ADAP1: variants seen among roughly 807,000 people sequenced by gnomAD.
The protein encoded by ADAP1 is arf-GAP with dual PH domain-containing protein 1.
Under a neutral mutation model 54.9 loss-of-function variants are expected in ADAP1, and 31 were observed. The observed-to-expected ratio is 0.56, with a 90% CI of 0.42 to 0.76. The LOEUF (loss-of-function observed/expected upper bound fraction) is 0.76, where lower values mean the gene tolerates loss of function less well. Ranked by LOEUF, ADAP1 falls within the 30% of genes least tolerant of loss-of-function variation. The pLI, the probability that ADAP1 is intolerant of heterozygous loss-of-function variation, is 0.00. For missense variants in ADAP1, 535 were observed against 512.4 expected, an observed-to-expected ratio of 1.04 and a Z score of -0.42; for synonymous variants, 313 against 202.6, an observed-to-expected ratio of 1.55 and a Z score of -4.63.
intron 4 of ADAP1, among the ~76,000 whole-genome samples, chr7:907,097 A>G (rs1845498643): frequency 6.6e-6 from 1 of 152,008 alleles, no homozygotes; most frequent in Non-Finnish European, 1.5e-5. Flanking sequence ...AGGTGGTGCC[A>G]TCCCCTCTTT....
chr7:899,887 G>A (rs974349196), intron 8 of ADAP1, among the ~76,000 whole-genome samples: 1 of 152,214 alleles, frequency 6.6e-6, no homozygotes, highest in Non-Finnish European at 1.5e-5. Flanking sequence ...TGAGGAAGCT[G>A]GTCAGACGTG....
intron 4 of ADAP1, 123 bp from the exon 5 acceptor site, chr7:905,295 G>C (rs531959169): frequency 1.4e-5 from 5 of 360,232 alleles, no homozygotes; most frequent in Non-Finnish European, 2.5e-5. Flanking sequence ...CGGGGGACAC[G>C]GACAGGGGGA....
intron 3 of ADAP1, among the ~76,000 whole-genome samples, chr7:922,319 G>A (rs1198845504): frequency 6.6e-6 from 1 of 152,124 alleles, no homozygotes; most frequent in Non-Finnish European, 1.5e-5. Context: ...CCCCTTCAAG[G>A]CCAGGGCCTC....
rs1423829126 is a variant in ADAP1, at chr7:920,826, C to T, written c.306-776G>A. On this transcript the variant is annotated intron_variant, in intron 3 of 10. Coordinates refer to ENST00000265846, the MANE Select transcript of ADAP1 (RefSeq NM_006869.4). This position sits in a 1 kb window ranked among gnomAD's most constrained non-coding sequence, Gnocchi z 4.5. ...CATTGCAGAAACCACGACCCACACA[C>T]AGGCCCGGCACGGCCCAGGTGCACA... is the stretch of plus-strand genomic sequence containing the variant. 3.2e-6 allele frequency: 5 copies of T among 1,550,246 alleles called. No individual in the cohort carries two copies. The Admixed American group carries it at 9.8e-5, about 30-fold the overall frequency.
intron 1 of ADAP1, among the ~76,000 whole-genome samples, chr7:943,014 AGAGGAGGAGGAAGG>A (rs1253731970): frequency 9.2e-4 from 13 of 14,204 alleles, no homozygotes; most frequent in East Asian, 1.8e-3. Context: ...AGGAAGGGAG[AGAGGAGGAGGAAGG>A]GAGGAGGAGG....
At position 900,588 on chromosome 7, in the gene ADAP1, C is replaced by T. The variant is rs548636254; in HGVS notation, c.677G>A (p.Arg226Gln). The change falls in exon 7 of 11, where the codon CGA (arginine) becomes CAA (glutamine). Residue 226 changes from arginine (R) to glutamine (Q), a missense_variant. By Grantham distance (43) the Arg-to-Gln change is conservative. Transcript: ENST00000265846. ...KEIVDWFNAL[R>Q]AARFHYLQVA... ...CTGCAGGTAGTGGAAGCGAGCAGCT[C>T]GGAGTGCATTGAACCAGTCCACAAT... 4 of 1,610,406 alleles carry T rather than the reference C, an allele frequency of 2.5e-6. No homozygotes were observed. The highest frequency in any genetic ancestry group is 1.7e-5 in the Admixed American group (1 of 59,706).
In ADAP1 at chr7:926,616, G is replaced by C; in HGVS notation, c.242C>G (p.Ala81Gly). Residue 81 changes from alanine to glycine, a missense_variant, in exon 3 of 11, where the codon GCG (alanine) becomes GGG (glycine). Ala to Gly is a moderately conservative substitution (Grantham distance 60). Transcript: ENST00000265846. The surrounding 1 kb of genome is among the most constrained non-coding windows in gnomAD (Gnocchi z 4.6). ...TACTTTGGACTCAAACCTGGCTCTC[G>C]CGGCGTCGTTCCCGTGGGAGGCCAT... is the stretch of plus-strand genomic sequence containing the variant. ...EFMASHGNDA[A>G]RARFESKVPS... is the part of the protein sequence containing the mutation. The C allele has an allele frequency of 7.1e-6, 11 of 1,545,090 alleles. No individual in the cohort carries two copies. Among genetic ancestry groups the C allele is most frequent in the Non-Finnish European group, 9.6e-6 (11 of 1,145,024 alleles).
At chr7:918,221 C>G (rs915538688) in intron 4 of ADAP1, among the ~76,000 whole-genome samples, 3 of 152,166 alleles carry the variant, frequency 2.0e-5, no homozygotes, top group African/African-American at 7.2e-5. Context: ...CGTGCCCGAC[C>G]CTTTTTTGTT....
At position 926,969 on chromosome 7, in the gene ADAP1, C is replaced by T. The variant is rs552559869; in HGVS notation, c.214-325G>A. 315 of 1,263,942 alleles carry T rather than the reference C, an allele frequency of 2.5e-4. 1 individual carries two copies. In the African/African-American group the frequency reaches 4.2e-3, roughly 17 times the overall value. The allele number at this position is 1,263,942 out of a possible 1,614,324, so 78.3% of individuals were successfully genotyped here. Reference sequence around the variant, plus strand: ...CCAAGTCCACCCACACCGGGTGTCCCGTGGGAGAGAGCTGGCTGCATCCTG... The same window carrying T: ...CCAAGTCCACCCACACCGGGTGTCCTGTGGGAGAGAGCTGGCTGCATCCTG... On this transcript the variant is annotated intron_variant, in intron 2 of 10. Coordinates refer to ENST00000265846, the MANE Select transcript of ADAP1 (RefSeq NM_006869.4). This position sits in a 1 kb window ranked among gnomAD's most constrained non-coding sequence, Gnocchi z 4.6.
In ADAP1 at chr7:905,313, G is replaced by A. The variant is rs1286495658; in HGVS notation, c.389-141C>T. On this transcript the variant is annotated intron_variant, in intron 4 of 10. Transcript: ENST00000265846. ...GGGACACGGACAGGGGGAGACGGAC[G>A]GGGAGAGGGGACATGGAGGAGACAG... 2.0e-4 allele frequency: 90 copies of A among 448,946 alleles called. 2 individuals carry two copies. Among genetic ancestry groups the A allele is most frequent in the South Asian group, 4.1e-4 (20 of 48,702 alleles). The allele number at this position is 448,946 out of a possible 1,614,324, so 27.8% of individuals were successfully genotyped here.
chr7:927,560 C>G (rs1481925108), intron 2 of ADAP1: 2 of 464,968 alleles, frequency 4.3e-6, no homozygotes, highest in African/African-American at 4.0e-5. Flanking sequence ...CTCCGAGGAT[C>G]ACATGGCAGT....
intron 4 of ADAP1, among the ~76,000 whole-genome samples, chr7:906,785 GGGGGACGGGACAGGGGACA>G (rs1845466570): frequency 6.8e-5 from 1 of 14,770 alleles, no homozygotes; most frequent in Non-Finnish European, 1.5e-4. Context: ...CAGGGGACAC[GGGGGACGGGACAGGGGACA>G]TGGGGGGACA....
intron 4 of ADAP1, 113 bp from the exon 5 acceptor site, chr7:905,285 C>CG (rs1554271621): frequency 0.016 from 3,799 of 235,784 alleles, 181 homozygotes; most frequent in African/African-American, 0.025. Context: ...GGGACACGGA[C>CG]GGGGGACACG....
intron 4 of ADAP1, among the ~76,000 whole-genome samples, 196 bp downstream of exon 4, chr7:919,772 A>AGG (rs1384668403): frequency 2.3e-4 from 1 of 4,334 alleles, no homozygotes; most frequent in African/African-American, 1.7e-3. Flanking sequence ...GGAAGGGGGG[A>AGG]GAGGGAGGGA....
chr7:955,202 G>A (rs1287755902), upstream of ADAP1: 1 of 1,164,904 alleles, frequency 8.6e-7, no homozygotes, highest in Admixed American at 2.0e-5. Context: ...GGGACCCTCT[G>A]GGCACCCCTC....
chr7:910,569 T>G (rs1845682422), intron 4 of ADAP1, among the ~76,000 whole-genome samples: 2 of 152,184 alleles, frequency 1.3e-5, no homozygotes, highest in Admixed American at 6.5e-5. Flanking sequence ...GGTCTTGGAT[T>G]TGTCAGAGCT....
In ADAP1 at chr7:898,657, C is replaced by T. The variant is rs146341096; in HGVS notation, c.*264G>A. 790 of 542,992 alleles carry T rather than the reference C, an allele frequency of 1.5e-3. No individual in the cohort carries two copies. Among genetic ancestry groups the T allele is most frequent in the Non-Finnish European group, 2.4e-3 (718 of 301,308 alleles). The allele number at this position is 542,992 out of a possible 1,614,324, so 33.6% of individuals were successfully genotyped here. A position where few individuals can be genotyped will look rare whatever the true frequency, so the allele number is the denominator to read the frequency against. On this transcript the variant is annotated 3_prime_UTR_variant, in exon 11 of 11. Coordinates refer to ENST00000265846, the MANE Select transcript of ADAP1 (RefSeq NM_006869.4). ...CTGGGCCCTGGAGGAAAGGGGGCCCCGGGTCAGGGAGGGGCAGGTTGGCTG... is the reference window on the plus strand; with the variant it reads ...CTGGGCCCTGGAGGAAAGGGGGCCCTGGGTCAGGGAGGGGCAGGTTGGCTG...
intron 6 of ADAP1, chr7:900,998 T>C: frequency 2.0e-6 from 1 of 491,400 alleles, no homozygotes; most frequent in Non-Finnish European, 4.2e-6. Context: ...GGTGCTATTT[T>C]TATGAAGATC....
intron 4 of ADAP1, among the ~76,000 whole-genome samples, chr7:906,756 G>GAGAAAGGA (rs1845453765): frequency 2.6e-5 from 1 of 38,898 alleles, no homozygotes; most frequent in African/African-American, 7.0e-5. Flanking sequence ...TAGGGGACAT[G>GAGAAAGGA]GACAGGGGAC....
Sources: allele counts gnomAD v4.1 joint callset (sites outside exome capture counted in the v4.1 genomes callset), GRCh38; gene constraint gnomAD v4.1.1; non-coding constraint Gnocchi (gnomAD v3.1); transcripts MANE v1.5; gene names NCBI Gene and HGNC (gene_info 2026-07-23, HGNC 2026-07-21).